The following MARCHF1 variants were observed in gnomAD, a reference collection of about 807,000 sequenced individuals.
MARCHF1 encodes the protein membrane associated ring-CH-type finger 1.
A neutral mutation model predicts 54.2 loss-of-function variants in MARCHF1; 40 were observed. That is an observed-to-expected ratio of 0.74 (90% confidence interval 0.57 to 0.96). The LOEUF (loss-of-function observed/expected upper bound fraction) is 0.96. Ranked by LOEUF, MARCHF1 falls within the 40% of genes least tolerant of loss-of-function variation. The pLI, the probability that MARCHF1 is intolerant of heterozygous loss-of-function variation, is 0.00. For synonymous variants in MARCHF1, 236 were observed against 236.3 expected (o/e 1.00, Z 0.01); for missense variants, 586 against 656.5 (o/e 0.89, Z 1.17).
intron 2 of MARCHF1, among the ~76,000 whole-genome samples, chr4:164,009,606 G>T (rs1269854697): frequency 6.6e-6 from 1 of 152,122 alleles, no homozygotes; most frequent in Non-Finnish European, 1.5e-5. Context: ...GATCAAGTGG[G>T]ATTCATCCAG....
chr4:163,861,729 C>G (rs374159031), intron 3 of MARCHF1, among the ~76,000 whole-genome samples: 2 of 151,932 alleles, frequency 1.3e-5, no homozygotes, highest in East Asian at 3.9e-4. Context: ...TACACTTATT[C>G]TAAAGTTTAC....
At chr4:163,942,325 T>C (rs1268494795) in intron 3 of MARCHF1, among the ~76,000 whole-genome samples, 1 of 152,196 alleles carries the variant, frequency 6.6e-6, no homozygotes, top group Non-Finnish European at 1.5e-5. Flanking sequence ...ACAGTTCTTT[T>C]AGAAGCATAC....
chr4:163,926,285 T>A (rs189888852), intron 3 of MARCHF1, among the ~76,000 whole-genome samples: 1 of 151,878 alleles, frequency 6.6e-6, no homozygotes, highest in Admixed American at 6.6e-5. Flanking sequence ...TGCTTTCACT[T>A]AATGTACTGT....
chr4:164,060,023 T>C (rs1227616296), intron 2 of MARCHF1, among the ~76,000 whole-genome samples: 1 of 152,120 alleles, frequency 6.6e-6, no homozygotes, highest in Admixed American at 6.5e-5. Context: ...ATTTGTAGAA[T>C]AAACATTTTG....
At chr4:164,153,962 A>G (rs1333272759) in intron 1 of MARCHF1, among the ~76,000 whole-genome samples, 2 of 152,186 alleles carry the variant, frequency 1.3e-5, no homozygotes, top group Non-Finnish European at 2.9e-5. Context: ...AAACAGCCAG[A>G]GAAGTGTCAT....
At chr4:163,899,817 C>G (rs1158904424) in intron 3 of MARCHF1, among the ~76,000 whole-genome samples, 1 of 151,330 alleles carries the variant, frequency 6.6e-6, no homozygotes, top group Non-Finnish European at 1.5e-5. Context: ...CCACAGTTTT[C>G]TCTTTCTTAG....
At chr4:163,950,494 G>A (rs189912397) in intron 3 of MARCHF1, among the ~76,000 whole-genome samples, 4 of 152,314 alleles carry the variant, frequency 2.6e-5, no homozygotes, top group African/African-American at 9.6e-5. Context: ...GTTGCTTCCC[G>A]GTCCCAGAGA....
intron 2 of MARCHF1, among the ~76,000 whole-genome samples, chr4:164,040,914 G>A (rs886943650): frequency 1.3e-5 from 2 of 152,008 alleles, no homozygotes; most frequent in Non-Finnish European, 2.9e-5. Flanking sequence ...TAAATCCTGT[G>A]TTTTATGCTG....
At chr4:164,012,922 G>A (rs1463227129) in intron 2 of MARCHF1, among the ~76,000 whole-genome samples, 3 of 152,126 alleles carry the variant, frequency 2.0e-5, no homozygotes, top group African/African-American at 7.2e-5. Context: ...TCTCAAGGGT[G>A]CATATAAACA....
intron 1 of MARCHF1, among the ~76,000 whole-genome samples, chr4:164,238,350 A>G (rs1377089776): frequency 6.6e-6 from 1 of 152,048 alleles, no homozygotes; most frequent in African/African-American, 2.4e-5. Flanking sequence ...AGAAAGTTGA[A>G]TCAACAGTTG....
At position 163,869,830 on chromosome 4, in the gene MARCHF1, T is replaced by C. The variant is rs146916900; in HGVS notation, c.-38-15661A>G. On this transcript the variant is annotated intron_variant, in intron 3 of 9. Transcript: ENST00000514618. ...ATAGTTTGACCACATTTCATACTCC[T>C]AAAAATGGACACTCTCTTGTCGTTA... Among the ~76,000 whole-genome samples the C allele has an allele frequency of 2.1e-3, 326 of 152,190 alleles. 1 individual carries two copies. Among genetic ancestry groups the C allele is most frequent in the African/African-American group, 7.6e-3 (314 of 41,558 alleles).
At chr4:163,966,445 A>G (rs1029746016) in intron 3 of MARCHF1, among the ~76,000 whole-genome samples, 3 of 152,134 alleles carry the variant, frequency 2.0e-5, no homozygotes, top group Admixed American at 2.0e-4. Flanking sequence ...ATCAGTAAAC[A>G]TATAATGAAC....
At chr4:164,229,533 G>C (rs957416880) in intron 1 of MARCHF1, among the ~76,000 whole-genome samples, 4 of 152,204 alleles carry the variant, frequency 2.6e-5, no homozygotes, top group African/African-American at 9.7e-5. Flanking sequence ...TCAGGCTGGA[G>C]TGCAGTGACA....
chr4:164,016,675 G>A (rs915515237), intron 2 of MARCHF1, among the ~76,000 whole-genome samples: 1 of 151,980 alleles, frequency 6.6e-6, no homozygotes, highest in Non-Finnish European at 1.5e-5. Flanking sequence ...GTGGAGGGGA[G>A]AATAAAGACA....
At chr4:163,784,155 T>TA (rs1554013330) in intron 4 of MARCHF1, among the ~76,000 whole-genome samples, 1 of 151,560 alleles carries the variant, frequency 6.6e-6, no homozygotes, top group Non-Finnish European at 1.5e-5. Context: ...TTTTTTTTTT[T>TA]ACTCTAGGGT....
intron 5 of MARCHF1, among the ~76,000 whole-genome samples, chr4:163,637,389 C>A (rs1413752549): frequency 2.6e-5 from 4 of 151,890 alleles, no homozygotes; most frequent in African/African-American, 9.6e-5. Flanking sequence ...TGAACTCAAA[C>A]AAATTTACAA....
intron 2 of MARCHF1, among the ~76,000 whole-genome samples, chr4:164,100,827 T>C (rs1406885394): frequency 2.0e-5 from 3 of 152,172 alleles, no homozygotes; most frequent in African/African-American, 7.2e-5. Flanking sequence ...AGACAGGTGA[T>C]TTCTGCATTT....
chr4:163,992,547 C>T (rs986373518), intron 2 of MARCHF1, among the ~76,000 whole-genome samples: 2 of 151,456 alleles, frequency 1.3e-5, no homozygotes, highest in South Asian at 2.1e-4. Flanking sequence ...CATTTCAAGG[C>T]GTAGAGATGG....
chr4:164,100,751 G>A (rs1755528163), intron 2 of MARCHF1, among the ~76,000 whole-genome samples: 2 of 152,192 alleles, frequency 1.3e-5, no homozygotes, highest in Non-Finnish European at 2.9e-5. Context: ...AATAAGCTGG[G>A]GGAGGAGCCA....
Sources: gnomAD v4.1 joint callset for allele counts (sites outside exome capture counted in the v4.1 genomes callset) on GRCh38, gnomAD v4.1.1 for gene constraint, MANE v1.5 for transcripts, NCBI Gene and HGNC (gene_info 2026-07-23, HGNC 2026-07-21) for gene names.